Variants in ANKRD26 observed in about 807,000 individuals in gnomAD.
ANKRD26 encodes ankyrin repeat domain-containing protein 26.
In ANKRD26, 141 loss-of-function variants were observed where a neutral mutation model predicts 208.7. The observed-to-expected ratio is 0.68, with a 90% CI of 0.59 to 0.78. ANKRD26 has a LOEUF of 0.78. Among genes scored for constraint, ANKRD26 ranks in the 30% least tolerant of loss-of-function variants. The pLI is 0.00. For missense variants in ANKRD26, 1,889 were observed against 1,938.7 expected, an observed-to-expected ratio of 0.97 and a Z score of 0.48; for synonymous variants, 636 against 660.4, an observed-to-expected ratio of 0.96 and a Z score of 0.57.
rs189424940 is a variant in ANKRD26 at position 27,091,417 on chromosome 10, C to T, written c.638+989G>A. 3.0e-3 allele frequency among the ~76,000 whole-genome samples: 464 copies of T among 152,200 alleles called. 2 individuals are homozygous for T. Among genetic ancestry groups the T allele is most frequent in the African/African-American group, 0.011 (439 of 41,548 alleles). On this transcript the variant is annotated intron_variant, in intron 4 of 33. Transcript: ENST00000376087. ...GAAAAGTTTATCCAATAAAAGCTGT[C>T]TTTCTTCCCTTTGCCCATACCAATT...
Position 27,093,380 on chromosome 10 carries a change from A to C in ANKRD26, c.500T>G (p.Leu167Trp). The C allele has an allele frequency of 6.2e-7, 1 of 1,614,172 alleles. No homozygotes were observed. Among genetic ancestry groups the C allele is most frequent in the Non-Finnish European group, 8.5e-7 (1 of 1,180,032 alleles). The change falls in exon 3 of 34, where the codon TTG becomes TGG. Residue 167 changes from leucine (L) to tryptophan (W), a missense_variant. By Grantham distance (61) the Leu-to-Trp change is moderately conservative. This residue lies in a region of ANKRD26 where 1,272 missense variants were observed against 1,273.8 expected (regional missense o/e 1.00). Coordinates refer to ENST00000376087, the MANE Select transcript of ANKRD26 (RefSeq NM_014915.3). Reference protein sequence around the residue: ...EDISVATKLLLYDANIEAKNK... With the variant: ...EDISVATKLLWYDANIEAKNK... ...TTTTGCTTCAATATTTGCATCATAC[A>C]AAAGCAGCTTTGTTGCTACTGATAT...
chr10:26,964,193 G>A, the ANKRD26 span, among the ~76,000 whole-genome samples: 2 of 152,036 alleles, frequency 1.3e-5, no homozygotes, highest in Admixed American at 1.3e-4. Flanking sequence ...ACAGGCATGA[G>A]GCACCATGCC....
intron 22 of ANKRD26, among the ~76,000 whole-genome samples, 171 bp downstream of exon 22, chr10:27,037,700 T>G (rs779282094): frequency 1.3e-5 from 2 of 152,188 alleles, no homozygotes; most frequent in African/African-American, 2.4e-5. Context: ...AGACTAAGCA[T>G]CTATTAGGTG....
rs185617401 is a variant in ANKRD26 at position 26,985,314 on chromosome 10, G to T, written c.490-2501C>A. 6.8e-4 allele frequency among the ~76,000 whole-genome samples: 103 copies of T among 152,158 alleles called. 1 individual carries two copies. The South Asian group carries it at 7.5e-3, about 11-fold the overall frequency. ...TTTCCAGTAATATTGTTTACACCAG[G>T]ATTACATTTTCTCTGGATTCCAATG... On this transcript the variant is annotated intron_variant and NMD_transcript_variant, in intron 3 of 5. Transcript: ENST00000674670.
At position 27,100,181 on chromosome 10, in the gene ANKRD26, T is replaced by G; in HGVS notation, c.146A>C (p.Lys49Thr). 6.2e-7 allele frequency: 1 copy of G among 1,614,092 alleles called. No individual in the cohort carries two copies. The highest frequency in any genetic ancestry group is 8.5e-7 in the Non-Finnish European group (1 of 1,179,974). Residue 49 changes from lysine (K) to threonine (T), a missense_variant, in exon 1 of 34, where the codon AAG (lysine) becomes ACG (threonine). Physicochemically the swap from Lys to Thr is moderately conservative, Grantham distance 78. This residue lies in a region of ANKRD26 where 1,272 missense variants were observed against 1,273.8 expected (regional missense o/e 1.00). Coordinates refer to ENST00000376087, the MANE Select transcript of ANKRD26 (RefSeq NM_014915.3). ...GYHVRDRDLG[K>T]IHKAASAGNV... Reference sequence around the variant, plus strand: ...ACCCGCGCTGGCAGCTTTGTGGATCTTGCCGAGATCTCGGTCTCGGACGTG... The same window carrying G: ...ACCCGCGCTGGCAGCTTTGTGGATCGTGCCGAGATCTCGGTCTCGGACGTG...
At chr10:27,055,843 T>G (rs1279647217) in intron 15 of ANKRD26, among the ~76,000 whole-genome samples, 1 of 150,270 alleles carries the variant, frequency 6.7e-6, no homozygotes, top group East Asian at 2.0e-4. Context: ...ATGGTGCTTT[T>G]TTGTTACATT....
chr10:27,033,879 C>T (rs934881257), intron 24 of ANKRD26, among the ~76,000 whole-genome samples: 7 of 152,166 alleles, frequency 4.6e-5, no homozygotes, highest in African/African-American at 1.7e-4. Flanking sequence ...CTCCACTTGC[C>T]TCCCTGACCT....
At chr10:27,006,749 C>T (rs2052898807) in intron 33 of ANKRD26, among the ~76,000 whole-genome samples, 168 bp downstream of exon 33, 1 of 152,124 alleles carries the variant, frequency 6.6e-6, no homozygotes, top group East Asian at 1.9e-4. Flanking sequence ...ATACTCTTCA[C>T]TATGAATATT....
At chr10:27,050,651 A>G (rs2054622697) in intron 16 of ANKRD26, among the ~76,000 whole-genome samples, 1 of 152,204 alleles carries the variant, frequency 6.6e-6, no homozygotes, top group Non-Finnish European at 1.5e-5. Flanking sequence ...ATCTCTTCTC[A>G]GTCACTGCTT....
the ANKRD26 span, among the ~76,000 whole-genome samples, chr10:26,953,502 C>T: frequency 6.6e-6 from 1 of 152,230 alleles, no homozygotes; most frequent in South Asian, 2.1e-4. Context: ...ACATCTCATC[C>T]TGATGTTACT....
At chr10:27,033,515 G>A in intron 24 of ANKRD26, 138 bp from the exon 25 acceptor site, 1 of 850,006 alleles carries the variant, frequency 1.2e-6, no homozygotes, top group East Asian at 2.9e-5. Flanking sequence ...TCACCTTCTT[G>A]TCCTCATATG....
Position 27,046,518 on chromosome 10 carries a change from C to G in ANKRD26, c.1820G>C (p.Gly607Ala), listed in dbSNP as rs1439224308. The G allele has an allele frequency of 6.2e-7, 1 of 1,613,210 alleles. No individual in the cohort carries two copies. The highest frequency in any genetic ancestry group is 1.1e-5 in the South Asian group (1 of 91,018). Residue 607 changes from glycine to alanine, a missense_variant, in exon 18 of 34, where the codon GGT (glycine) becomes GCT (alanine). By Grantham distance (60) the Gly-to-Ala change is moderately conservative. This residue lies in a region of ANKRD26 where 1,272 missense variants were observed against 1,273.8 expected (regional missense o/e 1.00). Transcript: ENST00000376087. ...TACTTCCTTCATTTGCAAGGCAGGACCACTACTTTAAAAAATCCATGGGAA... is the reference window on the plus strand; with the variant it reads ...TACTTCCTTCATTTGCAAGGCAGGAGCACTACTTTAAAAAATCCATGGGAA... ...RKENKEYASS[G>A]PALQMKEVKS...
chr10:27,092,841 G>C (rs926080093), intron 3 of ANKRD26, among the ~76,000 whole-genome samples: 4 of 152,216 alleles, frequency 2.6e-5, no homozygotes, highest in Admixed American at 2.6e-4. Flanking sequence ...TCAGCACTTT[G>C]AGAGGCTGAG....
chr10:26,951,013 C>CTTTTTTTT, the ANKRD26 span, among the ~76,000 whole-genome samples: 225 of 100,832 alleles, frequency 2.2e-3, 25 homozygotes, highest in African/African-American at 0.011. Flanking sequence ...CTTTTCTTTT[C>CTTTTTTTT]TTTTTCTTTT....
Position 27,060,215 on chromosome 10 carries a change from A to ATTT in ANKRD26, c.1564+127_1564+129dup, listed in dbSNP as rs2055003051. ...AAGACTCGGTCTCAATTAAAAAAAA[A>ATTT]TTTTTTTAAATCCTTCCAACAAATT... On this transcript the variant is annotated intron_variant, in intron 15 of 33. Transcript: ENST00000376087. 4 of 905,386 alleles carry ATTT rather than the reference A, an allele frequency of 4.4e-6. No homozygotes were observed. The African/African-American group carries it at 5.1e-5, about 11-fold the overall frequency. The allele number at this position is 905,386 out of a possible 1,614,324, so 56.1% of individuals were successfully genotyped here. A position where few individuals can be genotyped will look rare whatever the true frequency, so the allele number is the denominator to read the frequency against.
chr10:27,046,413 C>T lies in ANKRD26; in HGVS notation c.1925G>A (p.Gly642Asp). 6.2e-7 allele frequency: 1 copy of T among 1,614,118 alleles called. No homozygotes were observed. The highest frequency in any genetic ancestry group is 8.5e-7 in the Non-Finnish European group (1 of 1,180,004). Residue 642 changes from glycine to aspartate, a missense_variant, in exon 18 of 34, where the codon GGT becomes GAT. Gly to Asp is a moderately conservative substitution (Grantham distance 94). This residue lies in a region of ANKRD26 where 1,272 missense variants were observed against 1,273.8 expected (regional missense o/e 1.00). Transcript: ENST00000376087. ...GTCATCATCCACTTGTAGCAGGCCA[C>T]CAGTTAGTAAACTGGCCTTCCCAAA... ...PVFGKASLLT[G>D]GLLQVDDDSS... is the part of the protein sequence containing the mutation.
chr10:27,013,185 TAA>T lies in ANKRD26; in HGVS notation c.4725-77_4725-76del, dbSNP rs1009769312. 20 of 1,331,538 alleles carry T rather than the reference TAA, an allele frequency of 1.5e-5. No homozygotes were observed. In the Admixed American group the frequency reaches 3.5e-4, roughly 23 times the overall value. The allele number at this position is 1,331,538 out of a possible 1,614,324, so 82.5% of individuals were successfully genotyped here. On this transcript the variant is annotated intron_variant, in intron 31 of 33. Transcript: ENST00000376087. ...TGATTCCTAAAAGACTTGCAATTTT[TAA>T]AAAGTTACCATAGGAGTAAATGAAA...
At chr10:26,997,244 T>G (rs545177363) in intron 4 of ANKRD26, among the ~76,000 whole-genome samples, 3 of 152,168 alleles carry the variant, frequency 2.0e-5, no homozygotes, top group Non-Finnish European at 4.4e-5. Flanking sequence ...AAACCTGAGA[T>G]AGTTTTTCTA....
intron 17 of ANKRD26, among the ~76,000 whole-genome samples, chr10:27,047,492 G>A (rs538391166): frequency 2.1e-4 from 32 of 151,672 alleles, no homozygotes; most frequent in Admixed American, 6.6e-4. Flanking sequence ...GTGGTGGTGC[G>A]GGCCTGTAAT....
Sources: allele counts gnomAD v4.1 joint callset (sites outside exome capture counted in the v4.1 genomes callset), GRCh38; gene constraint gnomAD v4.1.1; regional missense constraint gnomAD v4.1.1; transcripts MANE v1.5; gene names NCBI Gene and HGNC (gene_info 2026-07-23, HGNC 2026-07-21).